Variants in CNOT6 observed in about 807,000 individuals in gnomAD.
CNOT6 encodes CCR4-NOT transcription complex subunit 6.
In CNOT6, 12 loss-of-function variants were observed where a neutral mutation model predicts 61.2. The observed-to-expected ratio is 0.20, with a 90% confidence interval of 0.13 to 0.32. The LOEUF is 0.32. CNOT6 is among the 10% of genes least tolerant of loss of function. CNOT6 has a pLI of 1.00. For synonymous variants in CNOT6, 225 were observed against 240.6 expected, an observed-to-expected ratio of 0.94 and a Z score of 0.60; for missense variants, 405 against 663.9, an observed-to-expected ratio of 0.61 and a Z score of 4.28.
chr5:180,555,967 T>C (rs909529800), intron 4 of CNOT6, among the ~76,000 whole-genome samples: 14 of 152,202 alleles, frequency 9.2e-5, no homozygotes, highest in Non-Finnish European at 1.5e-4. Flanking sequence ...GACTGTGACC[T>C]TAGGTGCCCA....
chr5:180,519,609 A>G (rs907005436), intron 1 of CNOT6, among the ~76,000 whole-genome samples: 2 of 152,202 alleles, frequency 1.3e-5, no homozygotes, highest in African/African-American at 4.8e-5. Context: ...GTATATCCAT[A>G]TAAACCATAC....
chr5:180,538,557 G>A (rs966862451), intron 2 of CNOT6, among the ~76,000 whole-genome samples: 5 of 151,062 alleles, frequency 3.3e-5, no homozygotes, highest in Non-Finnish European at 7.4e-5. Context: ...GCATAGTGGC[G>A]TGCTCCTGTA....
chr5:180,544,278 CTGAATAATGGT>C (rs1759196043), intron 2 of CNOT6, among the ~76,000 whole-genome samples: 1 of 152,304 alleles, frequency 6.6e-6, no homozygotes, highest in African/African-American at 2.4e-5. Flanking sequence ...TGAAAATTGA[CTGAATAATGGT>C]TAGCTTCCCA....
chr5:180,544,975 A>C (rs754524340), intron 2 of CNOT6, among the ~76,000 whole-genome samples: 1 of 152,116 alleles, frequency 6.6e-6, no homozygotes, highest in Non-Finnish European at 1.5e-5. Context: ...AAAAACAACA[A>C]ATTGTTTTAT....
intron 1 of CNOT6, among the ~76,000 whole-genome samples, chr5:180,521,505 G>A (rs114593206): frequency 4.6e-5 from 7 of 151,918 alleles, no homozygotes; most frequent in African/African-American, 1.7e-4. Flanking sequence ...ATTTCTTTTG[G>A]GTAAATACTC....
Position 180,567,181 on chromosome 5 carries a change from A to G in CNOT6, c.811A>G (p.Thr271Ala). ...GFFSPKSRAR[T>A]MSEQERKHVD... is the part of the protein sequence containing the mutation. ...CTTCAGTCCTAAGTCTAGAGCTAGG[A>G]CAATGTCAGAACAAGAAAGGAAACA... The change falls in exon 8 of 12, where the codon ACA becomes GCA. Residue 271 changes from threonine to alanine, a missense_variant. Physicochemically the swap from Thr to Ala is moderately conservative, Grantham distance 58. This residue lies in a region of CNOT6 where 24 missense variants were observed against 85.2 expected (regional missense o/e 0.28). Coordinates refer to ENST00000261951, the MANE Select transcript of CNOT6 (RefSeq NM_001370472.1). 1 of 1,613,714 alleles carries G rather than the reference A, an allele frequency of 6.2e-7. No homozygotes were observed. Among genetic ancestry groups the G allele is most frequent in the Non-Finnish European group, 8.5e-7 (1 of 1,179,882 alleles).
At chr5:180,542,773 A>G (rs1203415828) in intron 2 of CNOT6, among the ~76,000 whole-genome samples, 1 of 152,216 alleles carries the variant, frequency 6.6e-6, no homozygotes, top group African/African-American at 2.4e-5. Flanking sequence ...GGCTCTTAAC[A>G]TAGGTCAGGA....
At position 180,552,601 on chromosome 5, in the gene CNOT6, G is replaced by A. The variant is rs558684128; in HGVS notation, c.300-785G>A. The stretch of plus-strand genomic sequence containing the variant: ...GCGGAGCTTGCAGTGAGCCGAGATC[G>A]CATCACTGCACTCCAGCCTGGGCAA... On this transcript the variant is annotated intron_variant, in intron 3 of 11. Transcript: ENST00000261951. Among the ~76,000 whole-genome samples the A allele has an allele frequency of 1.9e-3, 289 of 150,214 alleles. 1 individual carries two copies. Among genetic ancestry groups the A allele is most frequent in the South Asian group, 8.0e-3 (38 of 4,744 alleles).
rs188070106 is a variant in CNOT6 at position 180,531,748 on chromosome 5, C to T, written c.112+2360C>T. On this transcript the variant is annotated intron_variant, in intron 2 of 11. Transcript: ENST00000261951. ...CTGTAATCCCGGCACCTCGGGAGGC[C>T]GAGGCAGGCAGATCACTCGGGGTCA... Among the ~76,000 whole-genome samples, 276 of 152,324 alleles carry T rather than the reference C, an allele frequency of 1.8e-3. 1 individual carries two copies. The highest frequency in any genetic ancestry group is 3.4e-3 in the Non-Finnish European group (232 of 68,024).
At chr5:180,511,796 A>T (rs1201316016) in intron 1 of CNOT6, among the ~76,000 whole-genome samples, 3 of 151,850 alleles carry the variant, frequency 2.0e-5, no homozygotes, top group East Asian at 1.9e-4. Flanking sequence ...AAAATAAAAA[A>T]TTTTTTTGAG....
intron 2 of CNOT6, among the ~76,000 whole-genome samples, chr5:180,538,956 A>G (rs1454293463): frequency 6.6e-6 from 1 of 151,822 alleles, no homozygotes; most frequent in South Asian, 2.1e-4. Context: ...CAGGCAGATC[A>G]TGAGGTCAAG....
intron 1 of CNOT6, among the ~76,000 whole-genome samples, chr5:180,524,985 G>T (rs955463415): frequency 3.9e-5 from 6 of 152,148 alleles, no homozygotes; most frequent in Non-Finnish European, 8.8e-5. Context: ...GGTTATTACT[G>T]ATACATGCGT....
At chr5:180,541,469 T>TTTTTTTTTG (rs1759036632) in intron 2 of CNOT6, among the ~76,000 whole-genome samples, 1 of 144,336 alleles carries the variant, frequency 6.9e-6, no homozygotes. Flanking sequence ...TTTTTTTTTT[T>TTTTTTTTTG]GAGACAGAGT....
At chr5:180,544,811 G>A (rs1759230606) in intron 2 of CNOT6, among the ~76,000 whole-genome samples, 1 of 152,110 alleles carries the variant, frequency 6.6e-6, no homozygotes, top group African/African-American at 2.4e-5. Flanking sequence ...ACTTAGTAGG[G>A]AACCAGGCGC....
chr5:180,529,432 T>C (rs770548702), intron 2 of CNOT6, 44 bp downstream of exon 2: 18 of 1,213,906 alleles, frequency 1.5e-5, no homozygotes, highest in South Asian at 2.5e-5. Context: ...AATTAAGATA[T>C]GGTAGTAAAC....
In CNOT6 at chr5:180,542,393, T is replaced by A. The variant is rs997753363; in HGVS notation, c.113-7538T>A. Among the ~76,000 whole-genome samples the A allele has an allele frequency of 2.0e-5, 3 of 151,944 alleles. 1 individual carries two copies. Among genetic ancestry groups the A allele is most frequent in the Admixed American group, 2.0e-4 (3 of 15,216 alleles). ...CATCCTCCTGCATCAGCCTCCCGAG[T>A]AGCTGGGACTACAGGCCCGCGCCAC... On this transcript the variant is annotated intron_variant, in intron 2 of 11. Coordinates refer to ENST00000261951, the MANE Select transcript of CNOT6 (RefSeq NM_001370472.1).
chr5:180,494,387 G>A lies in CNOT6; in HGVS notation c.-379G>A, dbSNP rs1471053541. On this transcript the variant is annotated 5_prime_UTR_variant, in exon 1 of 12. Coordinates refer to ENST00000261951, the MANE Select transcript of CNOT6 (RefSeq NM_001370472.1). ...CCGGGCGCTCGCTGGCTGAGGGACG[G>A]CGGCCGCCGCCATGATGCTTGTTTG... The A allele has an allele frequency of 5.2e-5, 8 of 152,964 alleles. No homozygotes were observed. The highest frequency in any genetic ancestry group is 1.9e-4 in the East Asian group (1 of 5,172). The allele number at this position is 152,964 out of a possible 1,614,324, so 9.5% of individuals were successfully genotyped here. A position where few individuals can be genotyped will look rare whatever the true frequency, so the allele number is the denominator to read the frequency against.
intron 2 of CNOT6, among the ~76,000 whole-genome samples, chr5:180,547,517 G>GA (rs1412470403): frequency 2.0e-5 from 3 of 151,164 alleles, no homozygotes; most frequent in South Asian, 2.1e-4. Flanking sequence ...GAGACTCCAT[G>GA]AAAAAAAAGA....
chr5:180,502,510 G>T (rs1191494165), intron 1 of CNOT6, among the ~76,000 whole-genome samples: 1 of 152,178 alleles, frequency 6.6e-6, no homozygotes, highest in Non-Finnish European at 1.5e-5. Context: ...GTGCTCCATT[G>T]CCCAAACTTT....
Sources: gnomAD v4.1 joint callset for allele counts (sites outside exome capture counted in the v4.1 genomes callset) on GRCh38, gnomAD v4.1.1 for gene constraint, gnomAD v4.1.1 regional missense constraint, MANE v1.5 for transcripts, NCBI Gene and HGNC (gene_info 2026-07-23, HGNC 2026-07-21) for gene names.